Variants in SUMF1 observed in about 807,000 individuals in gnomAD.
SUMF1 encodes the protein formylglycine-generating enzyme.
SUMF1 carries 48 observed loss-of-function variants against 47.6 expected under a neutral mutation model. That is an observed-to-expected ratio of 1.01 (90% CI 0.80 to 1.28). The LOEUF is 1.28. Ranked by LOEUF, SUMF1 falls within the 50% of genes most tolerant of loss-of-function variation. The pLI, the probability that SUMF1 is intolerant of heterozygous loss-of-function variation, is 0.00. For synonymous variants in SUMF1, 230 were observed against 192.1 expected (o/e 1.20, Z -1.63); for missense variants, 571 against 485.4 (o/e 1.18, Z -1.66).
chr3:4,181,103 T>C (rs1415223959), intron 8 of SUMF1, among the ~76,000 whole-genome samples: 3 of 152,288 alleles, frequency 2.0e-5, no homozygotes, highest in African/African-American at 7.2e-5. Flanking sequence ...ACATAGAGGA[T>C]AGTGGAAGAA....
intron 8 of SUMF1, among the ~76,000 whole-genome samples, chr3:4,337,836 CTG>C (rs1191684896): frequency 6.6e-6 from 1 of 151,672 alleles, no homozygotes; most frequent in Non-Finnish European, 1.5e-5. Context: ...TCTTGCCAAT[CTG>C]TATCTCCTAC....
chr3:4,295,165 T>G (rs953196762), intron 8 of SUMF1, among the ~76,000 whole-genome samples: 1 of 152,100 alleles, frequency 6.6e-6, no homozygotes, highest in African/African-American at 2.4e-5. Flanking sequence ...ATGGTTTCCT[T>G]TCTCCACTCA....
At chr3:4,042,966 C>A (rs1489388103) in intron 9 of SUMF1, among the ~76,000 whole-genome samples, 3 of 152,176 alleles carry the variant, frequency 2.0e-5, no homozygotes, top group Non-Finnish European at 2.9e-5. Flanking sequence ...GAATCATTCA[C>A]TGCCCTTCTC....
At chr3:4,351,322 T>C (rs952614631) in intron 8 of SUMF1, among the ~76,000 whole-genome samples, 4 of 152,168 alleles carry the variant, frequency 2.6e-5, no homozygotes, top group Admixed American at 6.5e-5. Context: ...AACGAAACAA[T>C]ACCCATTTTT....
At chr3:4,304,369 C>T (rs1386612530) in intron 8 of SUMF1, among the ~76,000 whole-genome samples, 2 of 152,184 alleles carry the variant, frequency 1.3e-5, no homozygotes, top group South Asian at 2.1e-4. Context: ...CTCGAACTCC[C>T]AACCTCAGGT....
chr3:4,128,635 G>C (rs1298128580), intron 8 of SUMF1, among the ~76,000 whole-genome samples: 1 of 152,142 alleles, frequency 6.6e-6, no homozygotes, highest in Non-Finnish European at 1.5e-5. Flanking sequence ...TAGAAGTTAG[G>C]TTCAGAGCGT....
chr3:4,309,343 T>C (rs369187789), intron 8 of SUMF1, among the ~76,000 whole-genome samples: 21 of 152,212 alleles, frequency 1.4e-4, no homozygotes, highest in East Asian at 1.2e-3. Context: ...AGCTTTGGAA[T>C]GCCCTTGCTG....
At chr3:4,212,176 A>G (rs1695813945) in intron 8 of SUMF1, among the ~76,000 whole-genome samples, 1 of 152,132 alleles carries the variant, frequency 6.6e-6, no homozygotes, top group South Asian at 2.1e-4. Context: ...CTCATACAGG[A>G]GAGCTCTGGC....
chr3:4,176,028 T>C (rs910666242), intron 8 of SUMF1, among the ~76,000 whole-genome samples: 3 of 152,238 alleles, frequency 2.0e-5, no homozygotes, highest in South Asian at 2.1e-4. Flanking sequence ...CCAAGAAATA[T>C]GGGACTATGT....
chr3:4,167,134 G>A (rs1424639428), intron 8 of SUMF1, among the ~76,000 whole-genome samples: 1 of 152,034 alleles, frequency 6.6e-6, no homozygotes, highest in Non-Finnish European at 1.5e-5. Flanking sequence ...CTTCAAGAAT[G>A]AAGCCACGGG....
chr3:4,249,588 T>A (rs1376950086), intron 8 of SUMF1, among the ~76,000 whole-genome samples: 3 of 152,180 alleles, frequency 2.0e-5, no homozygotes, highest in Non-Finnish European at 4.4e-5. Context: ...TACCAACTGG[T>A]CATTCCCTTC....
At chr3:4,440,000 G>A (rs1466077163) in intron 3 of SUMF1, among the ~76,000 whole-genome samples, 8 of 152,064 alleles carry the variant, frequency 5.3e-5, no homozygotes, top group African/African-American at 1.2e-4. Flanking sequence ...TTGGGAGGCC[G>A]AGGCGGGTGG....
chr3:4,155,891 A>G (rs769271171), intron 8 of SUMF1, among the ~76,000 whole-genome samples: 2 of 151,094 alleles, frequency 1.3e-5, no homozygotes, highest in African/African-American at 4.9e-5. Flanking sequence ...TCCCCTCCAC[A>G]GATACTCTTC....
intron 8 of SUMF1, among the ~76,000 whole-genome samples, chr3:4,179,709 A>G (rs901907677): frequency 2.0e-5 from 3 of 152,182 alleles, no homozygotes; most frequent in Admixed American, 6.5e-5. Flanking sequence ...TAATTAAACT[A>G]AAGAGCTTCT....
intron 8 of SUMF1, among the ~76,000 whole-genome samples, chr3:4,210,862 C>T (rs1224234499): frequency 1.3e-5 from 2 of 151,626 alleles, no homozygotes; most frequent in African/African-American, 4.9e-5. Context: ...TCTGGGTGGG[C>T]ACCACCTAAT....
intron 1 of SUMF1, among the ~76,000 whole-genome samples, chr3:4,464,622 T>A (rs1336497828): frequency 2.6e-5 from 4 of 152,370 alleles, no homozygotes; most frequent in Admixed American, 1.3e-4. Flanking sequence ...AACACCACTA[T>A]GCTCATTTAC....
chr3:4,244,750 C>T (rs527528726), intron 8 of SUMF1, among the ~76,000 whole-genome samples: 3 of 152,228 alleles, frequency 2.0e-5, no homozygotes, highest in East Asian at 1.9e-4. Flanking sequence ...TTCCTATTCT[C>T]GTGGAGTATC....
intron 8 of SUMF1, among the ~76,000 whole-genome samples, chr3:4,286,338 A>T (rs1697632326): frequency 6.6e-6 from 1 of 152,126 alleles, no homozygotes. Flanking sequence ...ATAGGAAAAC[A>T]AAGCAAAAAC....
chr3:4,331,237 C>T (rs1190732943), intron 8 of SUMF1, among the ~76,000 whole-genome samples: 1 of 149,312 alleles, frequency 6.7e-6, no homozygotes, highest in Non-Finnish European at 1.5e-5. Flanking sequence ...AAAAAAAAAC[C>T]TTTAAACTAG....
Sources: allele counts gnomAD v4.1 joint callset (sites outside exome capture counted in the v4.1 genomes callset), GRCh38; gene constraint gnomAD v4.1.1; transcripts MANE v1.5; gene names NCBI Gene and HGNC (gene_info 2026-07-23, HGNC 2026-07-21).